The following CSMD3 variants were observed in gnomAD, a reference collection of about 807,000 sequenced individuals.
CSMD3 encodes CUB and sushi domain-containing protein 3.
In CSMD3, 177 loss-of-function variants were observed where a neutral mutation model predicts 435.2. That is an observed-to-expected ratio of 0.41 (90% CI 0.36 to 0.46). CSMD3 has a LOEUF of 0.46. CSMD3 is among the 20% of genes least tolerant of loss of function. The pLI is 0.34. For synonymous variants in CSMD3, 1,656 were observed against 1,520.5 expected, an observed-to-expected ratio of 1.09 and a Z score of -2.07; for missense variants, 4,265 against 4,504.6, an observed-to-expected ratio of 0.95 and a Z score of 1.52.
In CSMD3 at chr8:113,233,368, A is replaced by C. The variant is rs1255044364; in HGVS notation, c.514+45224T>G. 3.3e-5 allele frequency among the ~76,000 whole-genome samples: 5 copies of C among 151,290 alleles called. No homozygotes were observed. The South Asian group carries it at 8.4e-4, about 25-fold the overall frequency. ...TAATGTCTTGACTGTATAATAAAAA[A>C]GTGTATTTTAAAAATACATAAAATG... On this transcript the variant is annotated intron_variant, in intron 3 of 70. Coordinates refer to ENST00000297405, the MANE Select transcript of CSMD3 (RefSeq NM_198123.2).
In CSMD3 at chr8:112,380,372, C is replaced by A. The variant is rs2131234198; in HGVS notation, c.6116G>T (p.Gly2039Val). 1 of 1,581,850 alleles carries A rather than the reference C, an allele frequency of 6.3e-7. No homozygotes were observed. The highest frequency in any genetic ancestry group is 8.7e-7 in the Non-Finnish European group (1 of 1,151,094). Residue 2039 changes from glycine (G) to valine (V), a missense_variant, in exon 38 of 71, where the codon GGA becomes GTA. Physicochemically the swap from Gly to Val is moderately radical, Grantham distance 109 (BLOSUM62 -3). Transcript: ENST00000297405. Reference protein sequence around the residue: ...FQSDISVSAAGFHLEYTAIGL... With the variant: ...FQSDISVSAAVFHLEYTAIGL... ...TTTACCTGTGTATTCAAGATGAAAT[C>A]CTGCAGCAGAAACACTGATGTCTGA...
At chr8:112,637,449 T>C (rs1286744594) in intron 21 of CSMD3, among the ~76,000 whole-genome samples, 1 of 152,182 alleles carries the variant, frequency 6.6e-6, no homozygotes, top group Non-Finnish European at 1.5e-5. Flanking sequence ...CTTCTGCTTC[T>C]TGTATACAAG....
At chr8:112,767,877 G>A (rs1387196469) in intron 13 of CSMD3, among the ~76,000 whole-genome samples, 1 of 151,710 alleles carries the variant, frequency 6.6e-6, no homozygotes, top group Non-Finnish European at 1.5e-5. Context: ...AGTTCATTGA[G>A]CAAGCCTTTT....
intron 63 of CSMD3, 127 bp downstream of exon 63, chr8:112,254,122 TACCC>T: frequency 1.3e-6 from 1 of 787,938 alleles, no homozygotes; most frequent in Non-Finnish European, 2.3e-6. Context: ...TGCTGTCTGT[TACCC>T]TTTTTATGTG....
rs149060845 is a variant in CSMD3, at chr8:113,038,689, GA to G, written c.918-19511del. On this transcript the variant is annotated intron_variant, in intron 5 of 70. Transcript: ENST00000297405. The stretch of plus-strand genomic sequence containing the variant: ...AGTACCTGTATAGTTTCACTGTCAT[GA>G]AAGGAAAGGAAAGGAATTCCTTACT... 9.4e-3 allele frequency among the ~76,000 whole-genome samples: 1,433 copies of G among 152,162 alleles called. 15 individuals carry two copies. Among genetic ancestry groups the G allele is most frequent in the African/African-American group, 0.033 (1,378 of 41,510 alleles).
Position 112,283,630 on chromosome 8 carries a change from C to G in CSMD3, c.9332-2280G>C, listed in dbSNP as rs560000691. ...ATAAAATTACAATTAAGGTATCTTT[C>G]TATCATAAAGTTTAGTAACTGTATG... On this transcript the variant is annotated intron_variant, in intron 58 of 70. Transcript: ENST00000297405. Among the ~76,000 whole-genome samples the G allele has an allele frequency of 4.1e-4, 62 of 151,366 alleles. 1 individual carries two copies. Among genetic ancestry groups the G allele is most frequent in the Non-Finnish European group, 3.0e-5 (2 of 67,602 alleles).
Position 112,919,147 on chromosome 8 carries a change from A to G in CSMD3, c.1633+2480T>C, listed in dbSNP as rs556517430. ...TATCTGCAAAATAAAATGTAAATTT[A>G]AATGAAATAATATCAACATATGAAT... On this transcript the variant is annotated intron_variant, in intron 10 of 70. Coordinates refer to ENST00000297405, the MANE Select transcript of CSMD3 (RefSeq NM_198123.2). Among the ~76,000 whole-genome samples the G allele has an allele frequency of 8.4e-4, 128 of 152,094 alleles. 1 individual carries two copies. The highest frequency in any genetic ancestry group is 3.0e-3 in the African/African-American group (123 of 41,558).
At chr8:113,198,065 C>G (rs2092678818) in intron 3 of CSMD3, among the ~76,000 whole-genome samples, 1 of 151,288 alleles carries the variant, frequency 6.6e-6, no homozygotes, top group African/African-American at 2.4e-5. Flanking sequence ...CTATTTATTT[C>G]TGTAATACAT....
chr8:112,990,201 T>G (rs757564153), intron 6 of CSMD3, among the ~76,000 whole-genome samples: 1 of 151,954 alleles, frequency 6.6e-6, no homozygotes, highest in Non-Finnish European at 1.5e-5. Flanking sequence ...TAAGGAAGTA[T>G]GTCTGGCTAC....
intron 16 of CSMD3, among the ~76,000 whole-genome samples, chr8:112,667,919 G>T (rs892005323): frequency 6.6e-6 from 1 of 151,878 alleles, no homozygotes; most frequent in Non-Finnish European, 1.5e-5. Context: ...CAGAATTTCT[G>T]AAAACAATTG....
At chr8:112,920,999 A>G (rs199931143) in intron 10 of CSMD3, among the ~76,000 whole-genome samples, 8,564 of 41,382 alleles carry the variant, frequency 0.21, 276 homozygotes, top group African/African-American at 0.33. Flanking sequence ...GCGCGCGCGC[A>G]CACACACACA....
rs535870171 is a variant in CSMD3 at position 112,551,011 on chromosome 8, T to C, written c.4362-138A>G. Reference sequence around the variant, plus strand: ...TTAAAAATGAATTACATAAACAGCATATATTCTTAATATATTTTTCTTGAG... The same window carrying C: ...TTAAAAATGAATTACATAAACAGCACATATTCTTAATATATTTTTCTTGAG... On this transcript the variant is annotated intron_variant, in intron 26 of 70. Transcript: ENST00000297405. 1.5e-5 allele frequency: 10 copies of C among 656,316 alleles called. No homozygotes were observed. In the African/African-American group the frequency reaches 1.8e-4, roughly 12 times the overall value. 40.7% of individuals were successfully genotyped at this position (656,316 alleles called of 1,614,324 possible).
rs1554647572 is a variant in CSMD3 at position 112,342,999 on chromosome 8, ATT to A, written c.6443-1315_6443-1314del. ...TATATATATATATTTATATATATAT[ATT>A]TATATATATATATATTTATATATAT... On this transcript the variant is annotated intron_variant, in intron 41 of 70. Coordinates refer to ENST00000297405, the MANE Select transcript of CSMD3 (RefSeq NM_198123.2). 4.4e-3 allele frequency among the ~76,000 whole-genome samples: 108 copies of A among 24,468 alleles called. 1 individual carries two copies. Among genetic ancestry groups the A allele is most frequent in the African/African-American group, 7.8e-3 (100 of 12,848 alleles). 16.1% of individuals were successfully genotyped at this position (24,468 alleles called of 152,430 possible).
chr8:113,068,660 C>T (rs2088967258), intron 5 of CSMD3, among the ~76,000 whole-genome samples: 1 of 152,140 alleles, frequency 6.6e-6, no homozygotes, highest in South Asian at 2.1e-4. Flanking sequence ...CAGAACTAAG[C>T]CTTCTGTACC....
intron 32 of CSMD3, among the ~76,000 whole-genome samples, chr8:112,442,960 T>C (rs761380941): frequency 9.9e-5 from 15 of 152,150 alleles, no homozygotes; most frequent in Non-Finnish European, 1.8e-4. Context: ...AAAATAAACT[T>C]CTGTTTTGTT....
intron 30 of CSMD3, among the ~76,000 whole-genome samples, chr8:112,492,959 C>T (rs998045396): frequency 6.6e-6 from 1 of 152,088 alleles, no homozygotes; most frequent in Non-Finnish European, 1.5e-5. Flanking sequence ...TATATATTCA[C>T]ATCTGTGAAT....
At chr8:112,278,624 C>T (rs548253296) in intron 59 of CSMD3, among the ~76,000 whole-genome samples, 1 of 152,228 alleles carries the variant, frequency 6.6e-6, no homozygotes, top group African/African-American at 2.4e-5. Flanking sequence ...AAGGCTGGCA[C>T]ACTGTGCAAT....
At chr8:112,452,953 C>T (rs1271560738) in intron 32 of CSMD3, among the ~76,000 whole-genome samples, 2 of 152,256 alleles carry the variant, frequency 1.3e-5, no homozygotes, top group African/African-American at 4.8e-5. Context: ...GATGTTATTG[C>T]AAATACTGGT....
At chr8:112,409,883 C>T (rs575326492) in intron 32 of CSMD3, among the ~76,000 whole-genome samples, 8 of 151,816 alleles carry the variant, frequency 5.3e-5, no homozygotes, top group African/African-American at 1.9e-4. Context: ...AAAACTTATC[C>T]TTAAAATATT....
Sources: gnomAD v4.1 joint callset for allele counts (sites outside exome capture counted in the v4.1 genomes callset) on GRCh38, gnomAD v4.1.1 for gene constraint, MANE v1.5 for transcripts, NCBI Gene and HGNC (gene_info 2026-07-23, HGNC 2026-07-21) for gene names.